Variants in PDSS2 observed in about 807,000 individuals in gnomAD.
The protein encoded by PDSS2 is all trans-polyprenyl-diphosphate synthase PDSS2.
In PDSS2, 31 loss-of-function variants were observed where a neutral mutation model predicts 44.5. That is an observed-to-expected ratio of 0.70 (90% CI 0.52 to 0.94). PDSS2 has a LOEUF of 0.94. Among genes scored for constraint, PDSS2 ranks in the 40% least tolerant of loss-of-function variants. The probability of loss-of-function intolerance (pLI) is 0.00; values close to 1 mark genes in which losing one functional copy is unlikely to be tolerated. For synonymous variants in PDSS2, 157 were observed against 180.3 expected (o/e 0.87, Z 1.03); for missense variants, 452 against 482.2 (o/e 0.94, Z 0.59).
chr6:107,401,566 C>G (rs1780106369), intron 1 of PDSS2, among the ~76,000 whole-genome samples: 1 of 151,996 alleles, frequency 6.6e-6, no homozygotes. Context: ...GCAATGGATC[C>G]TAACGAAAAA....
At chr6:107,275,169 T>C (rs1775736623) in intron 2 of PDSS2, among the ~76,000 whole-genome samples, 1 of 152,218 alleles carries the variant, frequency 6.6e-6, no homozygotes, top group Non-Finnish European at 1.5e-5. Context: ...TTTCAGCAGA[T>C]GTTTGTTCCT....
intron 3 of PDSS2, among the ~76,000 whole-genome samples, chr6:107,254,668 T>C (rs548455899): frequency 6.6e-6 from 1 of 152,256 alleles, no homozygotes; most frequent in Admixed American, 6.5e-5. Context: ...CTGAGAGAAT[T>C]ATCCTTGCCA....
Position 107,188,385 on chromosome 6 carries a change from A to G in PDSS2, c.1041+5437T>C, listed in dbSNP as rs188312689. ...CAGAGTGAGACCCTGTCTCAAAAAA[A>G]AAAAAAATTTAAATTTAAAAATAAA... is the stretch of plus-strand genomic sequence containing the variant. On this transcript the variant is annotated intron_variant, in intron 7 of 7. Coordinates refer to ENST00000369037, the MANE Select transcript of PDSS2 (RefSeq NM_020381.4). 3.0e-3 allele frequency among the ~76,000 whole-genome samples: 455 copies of G among 152,102 alleles called. 1 individual carries two copies. Among genetic ancestry groups the G allele is most frequent in the African/African-American group, 0.011 (447 of 41,508 alleles).
At chr6:107,313,532 T>C (rs1443699467) in intron 2 of PDSS2, among the ~76,000 whole-genome samples, 2 of 151,948 alleles carry the variant, frequency 1.3e-5, no homozygotes, top group Non-Finnish European at 2.9e-5. Context: ...TTTGTATTTT[T>C]AGTAGAGATG....
chr6:107,431,000 A>C (rs1278037676), intron 1 of PDSS2, among the ~76,000 whole-genome samples: 1 of 152,190 alleles, frequency 6.6e-6, no homozygotes, highest in Non-Finnish European at 1.5e-5. Context: ...GCTATTCTCC[A>C]GGTAGGAAGG....
intron 1 of PDSS2, among the ~76,000 whole-genome samples, chr6:107,394,096 T>C (rs1779866413): frequency 6.6e-6 from 1 of 152,202 alleles, no homozygotes; most frequent in Non-Finnish European, 1.5e-5. Flanking sequence ...TCTTACTATT[T>C]GTTTTCTGTT....
intron 6 of PDSS2, among the ~76,000 whole-genome samples, chr6:107,207,000 T>C (rs1242894899): frequency 6.6e-6 from 1 of 151,900 alleles, no homozygotes; most frequent in African/African-American, 2.4e-5. Context: ...ATTATTGTTT[T>C]TTTTTTTTTT....
At chr6:107,308,994 G>GA (rs1776949265) in intron 2 of PDSS2, among the ~76,000 whole-genome samples, 2 of 152,160 alleles carry the variant, frequency 1.3e-5, no homozygotes, top group Non-Finnish European at 2.9e-5. Flanking sequence ...CAGAAAAGGA[G>GA]AAAAGTCCAG....
At chr6:107,369,502 A>G (rs901046349) in intron 1 of PDSS2, among the ~76,000 whole-genome samples, 2 of 151,388 alleles carry the variant, frequency 1.3e-5, no homozygotes, top group Non-Finnish European at 2.9e-5. Flanking sequence ...AATTAACTTA[A>G]ATCAATCATA....
chr6:107,297,807 G>A (rs888012081), intron 2 of PDSS2, among the ~76,000 whole-genome samples: 1 of 152,000 alleles, frequency 6.6e-6, no homozygotes, highest in Admixed American at 6.6e-5. Flanking sequence ...GTGCAATGGC[G>A]CAATCTCCGC....
intron 6 of PDSS2, among the ~76,000 whole-genome samples, chr6:107,203,980 G>A (rs1772881562): frequency 6.8e-6 from 1 of 147,424 alleles, no homozygotes; most frequent in Non-Finnish European, 1.5e-5. Flanking sequence ...GTCTCACTCT[G>A]TCCCCACGCT....
At chr6:107,334,158 C>A (rs375062150) in intron 2 of PDSS2, 40 bp downstream of exon 2, 3 of 1,576,756 alleles carry the variant, frequency 1.9e-6, no homozygotes, top group Non-Finnish European at 2.6e-6. Flanking sequence ...AAAGAAAACA[C>A]GATGTAGAGA....
intron 2 of PDSS2, among the ~76,000 whole-genome samples, chr6:107,315,260 A>T (rs1777165606): frequency 6.6e-6 from 1 of 152,238 alleles, no homozygotes; most frequent in Non-Finnish European, 1.5e-5. Flanking sequence ...GGAATAAGTT[A>T]CAAAGATTTA....
At chr6:107,195,382 T>G (rs1772518975) in intron 6 of PDSS2, among the ~76,000 whole-genome samples, 1 of 148,964 alleles carries the variant, frequency 6.7e-6, no homozygotes, top group African/African-American at 2.5e-5. Context: ...CTTGGGAGGC[T>G]GAGGTGAGAG....
At chr6:107,275,956 A>T (rs1775765056) in intron 2 of PDSS2, among the ~76,000 whole-genome samples, 1 of 151,962 alleles carries the variant, frequency 6.6e-6, no homozygotes, top group South Asian at 2.1e-4. Flanking sequence ...TCTACAAAAA[A>T]TTAAAAAATA....
chr6:107,452,139 C>G (rs1212743027), intron 1 of PDSS2, among the ~76,000 whole-genome samples: 1 of 152,100 alleles, frequency 6.6e-6, no homozygotes, highest in Non-Finnish European at 1.5e-5. Flanking sequence ...AGGAAGCCTC[C>G]TGCCTCTGTT....
At chr6:107,265,865 G>C (rs536365697) in intron 3 of PDSS2, among the ~76,000 whole-genome samples, 1 of 152,164 alleles carries the variant, frequency 6.6e-6, no homozygotes, top group Non-Finnish European at 1.5e-5. Context: ...ACTTGAACCC[G>C]AGAGGCGGAG....
intron 4 of PDSS2, among the ~76,000 whole-genome samples, chr6:107,240,265 CA>C (rs1475577839): frequency 2.6e-5 from 4 of 152,014 alleles, no homozygotes; most frequent in Non-Finnish European, 5.9e-5. Flanking sequence ...AAAAATTAGA[CA>C]GGTGTGGTGG....
chr6:107,447,398 T>C (rs779205080), intron 1 of PDSS2, among the ~76,000 whole-genome samples: 6 of 152,152 alleles, frequency 3.9e-5, no homozygotes, highest in Non-Finnish European at 7.3e-5. Context: ...TCTCTGGGGC[T>C]ACAGGCACTG....
Sources: allele counts gnomAD v4.1 joint callset (sites outside exome capture counted in the v4.1 genomes callset), GRCh38; gene constraint gnomAD v4.1.1; transcripts MANE v1.5; gene names NCBI Gene and HGNC (gene_info 2026-07-23, HGNC 2026-07-21).